SPAG16: variants seen among roughly 807,000 people sequenced by gnomAD.
SPAG16 encodes the protein sperm associated antigen 16, also known as sperm-associated antigen 16 protein.
Under a neutral mutation model 80.4 loss-of-function variants are expected in SPAG16, and 86 were observed. The observed-to-expected ratio is 1.07, with a 90% CI of 0.90 to 1.28. The LOEUF (loss-of-function observed/expected upper bound fraction) is 1.28, where lower values mean the gene tolerates loss of function less well. SPAG16 is among the 50% of genes most tolerant of loss of function. The pLI, the probability that SPAG16 is intolerant of heterozygous loss-of-function variation, is 0.00. For missense variants in SPAG16, 870 were observed against 765.3 expected (o/e 1.14, Z -1.61); for synonymous variants, 294 against 265.9 (o/e 1.11, Z -1.03).
intron 11 of SPAG16, among the ~76,000 whole-genome samples, chr2:213,924,371 C>T (rs2078366026): frequency 1.3e-5 from 2 of 152,170 alleles, no homozygotes; most frequent in Non-Finnish European, 2.9e-5. Context: ...CTCTCACTCT[C>T]TCACCCTTTC....
chr2:213,744,761 C>G (rs1330420617), intron 10 of SPAG16, among the ~76,000 whole-genome samples: 1 of 152,182 alleles, frequency 6.6e-6, no homozygotes, highest in Non-Finnish European at 1.5e-5. Flanking sequence ...TAATTCATTT[C>G]ACACTGCAAC....
At chr2:213,333,305 A>G (rs2064191544) in intron 5 of SPAG16, among the ~76,000 whole-genome samples, 1 of 152,164 alleles carries the variant, frequency 6.6e-6, no homozygotes, top group Non-Finnish European at 1.5e-5. Context: ...AATAAATGAA[A>G]TATCTCTACA....
At chr2:213,810,975 TC>T (rs1044092789) in intron 10 of SPAG16, among the ~76,000 whole-genome samples, 89 of 152,298 alleles carry the variant, frequency 5.8e-4, no homozygotes, top group African/African-American at 2.1e-3. Context: ...AGCTGTTTGA[TC>T]CTTCTTCTGG....
chr2:213,534,679 G>A (rs2125895635), intron 10 of SPAG16, among the ~76,000 whole-genome samples: 1 of 152,166 alleles, frequency 6.6e-6, no homozygotes, highest in South Asian at 2.1e-4. Flanking sequence ...AACAACTGGT[G>A]TAAATGATTT....
chr2:213,783,530 T>C (rs1372898315), intron 10 of SPAG16, among the ~76,000 whole-genome samples: 6 of 124,176 alleles, frequency 4.8e-5, no homozygotes, highest in Non-Finnish European at 1.0e-4. Context: ...CAAAAAAATA[T>C]ATACGTATGA....
At chr2:214,101,308 T>A (rs34101106) in intron 13 of SPAG16, among the ~76,000 whole-genome samples, 1 of 151,614 alleles carries the variant, frequency 6.6e-6, no homozygotes, top group Admixed American at 6.6e-5. Context: ...AACATGTGTG[T>A]CCTGCTTCAG....
intron 10 of SPAG16, among the ~76,000 whole-genome samples, chr2:213,736,233 A>G (rs996833599): frequency 2.0e-5 from 3 of 152,186 alleles, no homozygotes; most frequent in African/African-American, 7.2e-5. Flanking sequence ...TTTTGGGATT[A>G]TCATAATAAA....
chr2:213,702,729 G>A (rs1574868433), intron 10 of SPAG16, among the ~76,000 whole-genome samples: 1 of 152,168 alleles, frequency 6.6e-6, no homozygotes, highest in South Asian at 2.1e-4. Flanking sequence ...ACAAGGGAGT[G>A]TAATTTGACA....
chr2:213,374,896 G>A, intron 8 of SPAG16, 114 bp from the exon 9 acceptor site: 1 of 716,626 alleles, frequency 1.4e-6, no homozygotes, highest in Non-Finnish European at 2.3e-6. Flanking sequence ...ATAATTTAAT[G>A]AATTTTTTAA....
At chr2:213,659,599 C>G (rs2063344965) in intron 10 of SPAG16, among the ~76,000 whole-genome samples, 1 of 152,050 alleles carries the variant, frequency 6.6e-6, no homozygotes, top group Non-Finnish European at 1.5e-5. Flanking sequence ...TCAAAGTGGG[C>G]TAAGCAACAT....
At chr2:214,323,860 A>G (rs1020527102) in intron 15 of SPAG16, among the ~76,000 whole-genome samples, 2 of 152,222 alleles carry the variant, frequency 1.3e-5, no homozygotes, top group African/African-American at 4.8e-5. Flanking sequence ...TTTTACTTCC[A>G]ATTTTATAAG....
At chr2:214,063,729 T>C (rs1410729660) in intron 13 of SPAG16, among the ~76,000 whole-genome samples, 1 of 152,226 alleles carries the variant, frequency 6.6e-6, no homozygotes, top group Non-Finnish European at 1.5e-5. Context: ...CATGGATTGT[T>C]TTCTTACCTC....
intron 11 of SPAG16, among the ~76,000 whole-genome samples, chr2:213,904,687 T>C (rs919367088): frequency 1.3e-5 from 2 of 151,488 alleles, no homozygotes; most frequent in Non-Finnish European, 2.9e-5. Flanking sequence ...TCTTCTCTGA[T>C]GTGTCTTTCT....
At chr2:214,120,696 T>C (rs1221558186) in intron 14 of SPAG16, among the ~76,000 whole-genome samples, 1 of 151,924 alleles carries the variant, frequency 6.6e-6, no homozygotes, top group Non-Finnish European at 1.5e-5. Context: ...CGCTTCTCAA[T>C]CTACTGTGCT....
chr2:213,410,636 A>G (rs1361206865), intron 9 of SPAG16, among the ~76,000 whole-genome samples: 1 of 152,240 alleles, frequency 6.6e-6, no homozygotes, highest in Non-Finnish European at 1.5e-5. Context: ...TTAAAGACTT[A>G]AACTTTGGCA....
chr2:214,377,914 G>A (rs527680305), intron 15 of SPAG16, among the ~76,000 whole-genome samples: 3 of 152,292 alleles, frequency 2.0e-5, no homozygotes, highest in African/African-American at 7.2e-5. Context: ...AGGGATGTTT[G>A]CAGATGGATT....
chr2:213,796,680 C>T (rs2071053666), intron 10 of SPAG16, among the ~76,000 whole-genome samples: 1 of 151,964 alleles, frequency 6.6e-6, no homozygotes, highest in African/African-American at 2.4e-5. Flanking sequence ...ATGCTGGTGT[C>T]AACAAACCTG....
At chr2:213,331,394 C>T (rs1399048856) in intron 5 of SPAG16, among the ~76,000 whole-genome samples, 1 of 152,164 alleles carries the variant, frequency 6.6e-6, no homozygotes, top group African/African-American at 2.4e-5. Context: ...GAGGATATAA[C>T]AATTGTAAAT....
At chr2:214,307,930 C>T (rs1333209244) in intron 15 of SPAG16, among the ~76,000 whole-genome samples, 1 of 152,066 alleles carries the variant, frequency 6.6e-6, no homozygotes, top group Non-Finnish European at 1.5e-5. Context: ...GAGTTCAGTT[C>T]CTGAATATCT....
Sources: gnomAD v4.1 joint callset for allele counts (sites outside exome capture counted in the v4.1 genomes callset) on GRCh38, gnomAD v4.1.1 for gene constraint, MANE v1.5 for transcripts, NCBI Gene and HGNC (gene_info 2026-07-23, HGNC 2026-07-21) for gene names.